BICRAL: variants seen among roughly 807,000 people sequenced by gnomAD.
BICRAL encodes BRD4-interacting chromatin-remodeling complex-associated protein-like.
In BICRAL, 8 loss-of-function variants were observed where a neutral mutation model predicts 91.8. The ratio of observed to expected loss-of-function variants is 0.09; its 90% confidence interval spans 0.05 to 0.16. The LOEUF (loss-of-function observed/expected upper bound fraction) is 0.16. BICRAL is among the 10% of genes least tolerant of loss of function. BICRAL has a pLI of 1.00. For missense variants in BICRAL, 1,038 were observed against 1,310.9 expected (o/e 0.79, Z 3.21); for synonymous variants, 445 against 491.1 (o/e 0.91, Z 1.24).
chr6:42,788,093 G>C (rs1474080766), intron 1 of BICRAL, among the ~76,000 whole-genome samples: 1 of 151,774 alleles, frequency 6.6e-6, no homozygotes, highest in Non-Finnish European at 1.5e-5. Context: ...TATAGAGACA[G>C]GGTCTCCCTA....
At chr6:42,860,428 G>T in intron 11 of BICRAL, 72 bp downstream of exon 11, 2 of 848,084 alleles carry the variant, frequency 2.4e-6, no homozygotes, top group Non-Finnish European at 2.0e-6. Context: ...GAGACAGAAA[G>T]GTCAAGGAAT....
intron 1 of BICRAL, among the ~76,000 whole-genome samples, chr6:42,791,339 G>A (rs1454816958): frequency 6.6e-6 from 1 of 151,956 alleles, no homozygotes; most frequent in Non-Finnish European, 1.5e-5. Flanking sequence ...TGTTTTTGTG[G>A]GTTATTTGGC....
intron 1 of BICRAL, among the ~76,000 whole-genome samples, chr6:42,768,668 C>A (rs2113840598): frequency 6.6e-6 from 1 of 152,354 alleles, no homozygotes; most frequent in Admixed American, 6.5e-5. Flanking sequence ...CTCCCTTCTC[C>A]CCTCCATGCC....
chr6:42,852,709 G>A (rs1346111586), intron 7 of BICRAL, among the ~76,000 whole-genome samples: 1 of 149,038 alleles, frequency 6.7e-6, no homozygotes, highest in Non-Finnish European at 1.5e-5. Context: ...ATTGTAAGAT[G>A]TACTATCATT....
chr6:42,815,277 T>C (rs573855030), intron 2 of BICRAL, among the ~76,000 whole-genome samples: 54 of 140,788 alleles, frequency 3.8e-4, no homozygotes, highest in Admixed American at 7.2e-4. Flanking sequence ...GCAACCCCCA[T>C]CTCCTGGGAT....
Position 42,855,914 on chromosome 6 carries a change from C to T in BICRAL, c.2105C>T (p.Ala702Val), listed in dbSNP as rs777454597. The stretch of plus-strand genomic sequence containing the variant: ...GCTGCGAAACAGCTAACGAAAGGAG[C>T]TTTGTGAGTTACTCTCGGAAATGAC... The part of the protein sequence containing the change: ...RPAAKQLTKG[A>V]FILQQLQRDQ... The change falls in exon 9 of 13, where the codon GCT becomes GTT. Residue 702 changes from alanine to valine, a missense_variant. This residue lies in a region of BICRAL where 532 missense variants were observed against 724.9 expected (regional missense o/e 0.73). Coordinates refer to ENST00000314073, the MANE Select transcript of BICRAL (RefSeq NM_001393499.1). 1.2e-6 allele frequency: 2 copies of T among 1,612,244 alleles called. 1 individual carries two copies. Among genetic ancestry groups the T allele is most frequent in the Admixed American group, 3.3e-5 (2 of 59,978 alleles).
chr6:42,754,057 G>A (rs111901040), intron 1 of BICRAL, among the ~76,000 whole-genome samples: 13,023 of 145,442 alleles, frequency 0.09, 315 homozygotes, highest in Admixed American at 0.13. Context: ...TTCCCAAAGT[G>A]CTGGGATTAC....
chr6:42,800,289 T>A (rs1049140394), intron 1 of BICRAL, among the ~76,000 whole-genome samples: 2 of 152,100 alleles, frequency 1.3e-5, no homozygotes. Context: ...GGTCTCCAAC[T>A]CCTTACCTTG....
intron 6 of BICRAL, among the ~76,000 whole-genome samples, chr6:42,849,520 A>G (rs558964678): frequency 2.4e-4 from 36 of 151,634 alleles, no homozygotes; most frequent in Non-Finnish European, 5.0e-4. Context: ...GCTCACTGCA[A>G]GTTCCGCCTC....
At chr6:42,837,160 T>C (rs1764666151) in intron 6 of BICRAL, among the ~76,000 whole-genome samples, 1 of 151,268 alleles carries the variant, frequency 6.6e-6, no homozygotes, top group African/African-American at 2.4e-5. Flanking sequence ...TTGGCCAGGC[T>C]GGTCTCGAAC....
At chr6:42,752,401 C>T (rs1757869370) in intron 1 of BICRAL, among the ~76,000 whole-genome samples, 1 of 152,204 alleles carries the variant, frequency 6.6e-6, no homozygotes, top group Non-Finnish European at 1.5e-5. Context: ...CGTCCCTGTC[C>T]TCCTTAAGAA....
At chr6:42,861,956 G>A (rs753361005) in intron 11 of BICRAL, among the ~76,000 whole-genome samples, 1 of 152,124 alleles carries the variant, frequency 6.6e-6, no homozygotes, top group Non-Finnish European at 1.5e-5. Context: ...CCAAGATTGT[G>A]CCACTGCACT....
chr6:42,843,546 T>C (rs1318537025), intron 6 of BICRAL, among the ~76,000 whole-genome samples: 1 of 152,094 alleles, frequency 6.6e-6, no homozygotes, highest in Non-Finnish European at 1.5e-5. Context: ...CTAGGTTAGA[T>C]AGAACTTGTG....
intron 1 of BICRAL, among the ~76,000 whole-genome samples, chr6:42,787,388 G>A (rs1334014490): frequency 7.2e-5 from 11 of 152,128 alleles, no homozygotes; most frequent in African/African-American, 2.2e-4. Context: ...TGAGGGGAGT[G>A]ATCTAGACTG....
intron 6 of BICRAL, among the ~76,000 whole-genome samples, chr6:42,844,556 C>CAGGCA (rs1295332752): frequency 1.7e-5 from 1 of 57,826 alleles, no homozygotes; most frequent in African/African-American, 7.0e-5. Flanking sequence ...GAGGGTGTTG[C>CAGGCA]AGAAAGAAGA....
chr6:42,865,451 A>G lies in BICRAL; in HGVS notation c.*5A>G. The G allele has an allele frequency of 6.3e-7, 1 of 1,583,628 alleles. No individual in the cohort carries two copies. Among genetic ancestry groups the G allele is most frequent in the Non-Finnish European group, 8.7e-7 (1 of 1,154,262 alleles). On this transcript the variant is annotated 3_prime_UTR_variant, in exon 13 of 13. Transcript: ENST00000314073. Reference sequence around the variant, plus strand: ...AATAGTATCCTAGAGTGTTAATAGCAGCAGTCCTCCCCCTACCCCGCCCCG... The same window carrying G: ...AATAGTATCCTAGAGTGTTAATAGCGGCAGTCCTCCCCCTACCCCGCCCCG...
chr6:42,803,309 G>A (rs9471920), intron 1 of BICRAL, among the ~76,000 whole-genome samples: 59 of 152,104 alleles, frequency 3.9e-4, no homozygotes, highest in African/African-American at 1.3e-3. Flanking sequence ...ATTTCCTTAC[G>A]CCTGAGAGAA....
chr6:42,845,478 C>G (rs923626478), intron 6 of BICRAL, among the ~76,000 whole-genome samples: 8 of 151,530 alleles, frequency 5.3e-5, no homozygotes, highest in Admixed American at 2.6e-4. Context: ...TCAGAAACTC[C>G]CCGTAACATG....
chr6:42,763,092 A>G (rs1166307728), intron 1 of BICRAL, among the ~76,000 whole-genome samples: 2 of 152,216 alleles, frequency 1.3e-5, no homozygotes, highest in African/African-American at 2.4e-5. Context: ...AATGAGCCCA[A>G]AGGTCAAACA....
Sources: allele counts gnomAD v4.1 joint callset (sites outside exome capture counted in the v4.1 genomes callset), GRCh38; gene constraint gnomAD v4.1.1; regional missense constraint gnomAD v4.1.1; transcripts MANE v1.5; gene names NCBI Gene and HGNC (gene_info 2026-07-23, HGNC 2026-07-21).